Variants in GPR37 observed in about 807,000 individuals in gnomAD.
The protein encoded by GPR37 is prosaposin receptor GPR37.
Under a neutral mutation model 43.6 loss-of-function variants are expected in GPR37, and 20 were observed. The ratio of observed to expected loss-of-function variants is 0.46; its 90% confidence interval spans 0.32 to 0.67. GPR37 has a LOEUF of 0.67. Ranked by LOEUF, GPR37 falls within the 30% of genes least tolerant of loss-of-function variation. The pLI is 0.03. For synonymous variants in GPR37, 315 were observed against 322.6 expected (o/e 0.98, Z 0.25); for missense variants, 724 against 797.2 (o/e 0.91, Z 1.11).
intron 1 of GPR37, among the ~76,000 whole-genome samples, chr7:124,752,038 C>T (rs1793740308): frequency 6.6e-6 from 1 of 151,616 alleles, no homozygotes; most frequent in African/African-American, 2.4e-5. Context: ...GGAAAGGAAT[C>T]AAAATAAACA....
Position 124,745,580 on chromosome 7 carries a change from A to C in GPR37, c.*945T>G, listed in dbSNP as rs1179121743. On this transcript the variant is annotated 3_prime_UTR_variant, in exon 2 of 2. Transcript: ENST00000303921. Reference sequence around the variant, plus strand: ...ATAGATTTCATCAAGTTTATTTTTCAAAAGGAGAAAAATTAGAACTCAGAG... The same window carrying C: ...ATAGATTTCATCAAGTTTATTTTTCCAAAGGAGAAAAATTAGAACTCAGAG... Among the ~76,000 whole-genome samples the C allele has an allele frequency of 6.6e-6, 1 of 152,172 alleles. No homozygotes were observed. Among genetic ancestry groups the C allele is most frequent in the African/African-American group, 2.4e-5 (1 of 41,456 alleles).
chr7:124,749,831 C>A (rs539757557), intron 1 of GPR37, among the ~76,000 whole-genome samples: 5 of 151,954 alleles, frequency 3.3e-5, no homozygotes, highest in African/African-American at 1.2e-4. Flanking sequence ...GGGCTGATAA[C>A]CACAATTCTT....
Position 124,757,732 on chromosome 7 carries a change from C to A in GPR37, c.1023+6222G>T, listed in dbSNP as rs368749775. ...TTATAATATTCATCATGGTGTAGAA[C>A]ATTACTTTACTTTTCTGTAATTTTA... On this transcript the variant is annotated intron_variant, in intron 1 of 1. Coordinates refer to ENST00000303921, the MANE Select transcript of GPR37 (RefSeq NM_005302.5). Among the ~76,000 whole-genome samples the A allele has an allele frequency of 1.4e-3, 208 of 152,228 alleles. 2 individuals carry two copies. Among genetic ancestry groups the A allele is most frequent in the African/African-American group, 4.6e-3 (191 of 41,544 alleles).
At chr7:124,751,055 A>G (rs1307346442) in intron 1 of GPR37, among the ~76,000 whole-genome samples, 1 of 152,124 alleles carries the variant, frequency 6.6e-6, no homozygotes, top group Non-Finnish European at 1.5e-5. Context: ...TTCATATACA[A>G]ATTTCAAAAA....
intron 1 of GPR37, among the ~76,000 whole-genome samples, chr7:124,752,746 T>C (rs1193544631): frequency 6.6e-6 from 1 of 152,216 alleles, no homozygotes; most frequent in Admixed American, 6.5e-5. Flanking sequence ...AAATATCATC[T>C]ATGTCCTACT....
chr7:124,760,987 C>T (rs552031936), intron 1 of GPR37, among the ~76,000 whole-genome samples: 93 of 152,150 alleles, frequency 6.1e-4, no homozygotes, highest in African/African-American at 2.1e-3. Flanking sequence ...GAAAGCCCAT[C>T]TCTACTAAAA....
intron 1 of GPR37, among the ~76,000 whole-genome samples, chr7:124,761,763 G>A (rs1425897993): frequency 6.6e-6 from 1 of 152,156 alleles, no homozygotes; most frequent in African/African-American, 2.4e-5. Context: ...CAGGAATTAT[G>A]AAGCCAGCAA....
chr7:124,763,023 A>G (rs2116328411), intron 1 of GPR37, among the ~76,000 whole-genome samples: 1 of 152,354 alleles, frequency 6.6e-6, no homozygotes, highest in East Asian at 1.9e-4. Context: ...AGGCCATTTA[A>G]AGAGCAAAGT....
chr7:124,752,390 T>A (rs1793743735), intron 1 of GPR37, among the ~76,000 whole-genome samples: 1 of 152,086 alleles, frequency 6.6e-6, no homozygotes, highest in Non-Finnish European at 1.5e-5. Flanking sequence ...CCTCAAGAGG[T>A]CTGGAATCTA....
Position 124,765,252 on chromosome 7 carries a change from C to G in GPR37, c.-276G>C. 2.6e-6 allele frequency: 1 copy of G among 382,586 alleles called. No individual in the cohort carries two copies. Among genetic ancestry groups the G allele is most frequent in the Non-Finnish European group, 4.6e-6 (1 of 215,810 alleles). The allele number at this position is 382,586 out of a possible 1,614,324, so 23.7% of individuals were successfully genotyped here. On this transcript the variant is annotated 5_prime_UTR_variant, in exon 1 of 2. Transcript: ENST00000303921. ...AGGTTCCTAGAGGGAATAGGCTACTCCCGGTGGCTGACCTTGAAAAGTTGC... is the reference window on the plus strand; with the variant it reads ...AGGTTCCTAGAGGGAATAGGCTACTGCCGGTGGCTGACCTTGAAAAGTTGC...
At position 124,746,476 on chromosome 7, in the gene GPR37, G is replaced by A. The variant is rs573181355; in HGVS notation, c.*49C>T. The stretch of plus-strand genomic sequence containing the variant: ...AAAAATATGAATTAAAAACTTTCAC[G>A]GGATATGAAAATCAAACAAATAAAT... On this transcript the variant is annotated 3_prime_UTR_variant, in exon 2 of 2. Coordinates refer to ENST00000303921, the MANE Select transcript of GPR37 (RefSeq NM_005302.5). 7.2e-5 allele frequency: 94 copies of A among 1,313,454 alleles called. No individual in the cohort carries two copies. Among genetic ancestry groups the A allele is most frequent in the South Asian group, 4.3e-4 (24 of 55,204 alleles). 81.4% of individuals were successfully genotyped at this position (1,313,454 alleles called of 1,614,324 possible). A position where few individuals can be genotyped will look rare whatever the true frequency, so the allele number is the denominator to read the frequency against.
At chr7:124,758,805 T>C (rs1035195976) in intron 1 of GPR37, among the ~76,000 whole-genome samples, 2 of 152,188 alleles carry the variant, frequency 1.3e-5, no homozygotes, top group Admixed American at 6.5e-5. Context: ...AGGAGTTTTA[T>C]CCCAGTAAAA....
At chr7:124,762,900 G>A (rs900045401) in intron 1 of GPR37, among the ~76,000 whole-genome samples, 3 of 152,186 alleles carry the variant, frequency 2.0e-5, no homozygotes, top group African/African-American at 7.2e-5. Context: ...CCCTTCTTCT[G>A]CTTCCATAAA....
chr7:124,759,283 T>C (rs1197598159), intron 1 of GPR37, among the ~76,000 whole-genome samples: 2 of 152,106 alleles, frequency 1.3e-5, no homozygotes, highest in African/African-American at 4.8e-5. Context: ...GCCAGGCTGA[T>C]CTTGAACTCC....
At chr7:124,761,154 C>CAAAAAAAAAA (rs60967099) in intron 1 of GPR37, among the ~76,000 whole-genome samples, 2 of 77,470 alleles carry the variant, frequency 2.6e-5, no homozygotes, top group African/African-American at 1.1e-4. Flanking sequence ...GACTCCGTCT[C>CAAAAAAAAAA]AAAAAAAAAA....
chr7:124,757,023 T>G (rs987508800), intron 1 of GPR37, among the ~76,000 whole-genome samples: 1 of 152,168 alleles, frequency 6.6e-6, no homozygotes, highest in Non-Finnish European at 1.5e-5. Context: ...CAGGATACCT[T>G]GGGAGCCCTC....
chr7:124,744,411 C>T lies in GPR37; in HGVS notation c.*2114G>A, dbSNP rs1460501111. On this transcript the variant is annotated 3_prime_UTR_variant, in exon 2 of 2. Coordinates refer to ENST00000303921, the MANE Select transcript of GPR37 (RefSeq NM_005302.5). ...ATTTTCTTTAATATTTCCCACAAGG[C>T]TGCTATGCACACGTAGCACAGAAGT... The T allele has an allele frequency of 6.6e-6, 1 of 152,136 alleles. No individual in the cohort carries two copies. Among genetic ancestry groups the T allele is most frequent in the Non-Finnish European group, 1.5e-5 (1 of 68,016 alleles). The allele number at this position is 152,136 out of a possible 1,614,324, so 9.4% of individuals were successfully genotyped here. A position where few individuals can be genotyped will look rare whatever the true frequency, so the allele number is the denominator to read the frequency against.
chr7:124,763,292 C>T (rs1051337001), intron 1 of GPR37, among the ~76,000 whole-genome samples: 1 of 152,060 alleles, frequency 6.6e-6, no homozygotes, highest in East Asian at 1.9e-4. Context: ...TTCACGCAAA[C>T]ACACAAAAAT....
Position 124,743,903 on chromosome 7 carries a change from T to A in GPR37, c.*2622A>T, listed in dbSNP as rs1050531621. ...TTGTTTAACGAGGAGCGTAAGACAT[T>A]GGATAAGATCCAGACTGAAGAAATG... is the stretch of plus-strand genomic sequence containing the variant. On this transcript the variant is annotated 3_prime_UTR_variant, in exon 2 of 2. Coordinates refer to ENST00000303921, the MANE Select transcript of GPR37 (RefSeq NM_005302.5). 8.6e-5 allele frequency: 13 copies of A among 150,644 alleles called. No individual in the cohort carries two copies. Among genetic ancestry groups the A allele is most frequent in the African/African-American group, 3.2e-4 (13 of 40,882 alleles). The allele number at this position is 150,644 out of a possible 1,614,324, so 9.3% of individuals were successfully genotyped here. A position where few individuals can be genotyped will look rare whatever the true frequency, so the allele number is the denominator to read the frequency against.
Sources: gnomAD v4.1 joint callset for allele counts (sites outside exome capture counted in the v4.1 genomes callset) on GRCh38, gnomAD v4.1.1 for gene constraint, MANE v1.5 for transcripts, NCBI Gene and HGNC (gene_info 2026-07-23, HGNC 2026-07-21) for gene names.